Variants in LANCL3 observed in about 807,000 individuals in gnomAD.
The protein encoded by LANCL3 is LanC like family member 3, also known as lanC-like protein 3.
LANCL3 carries 19 observed loss-of-function variants against 26.5 expected under a neutral mutation model. That is an observed-to-expected ratio of 0.72 (90% CI 0.50 to 1.05). The LOEUF is 1.05. Ranked by LOEUF, LANCL3 falls within the 50% of genes least tolerant of loss-of-function variation. LANCL3 has a pLI of 0.00. For synonymous variants in LANCL3, 160 were observed against 166.6 expected (o/e 0.96, Z 0.30); for missense variants, 318 against 362.7 (o/e 0.88, Z 1.00).
intron 3 of LANCL3, 75 bp downstream of exon 3, chrX:37,659,734 G>T: frequency 1.1e-6 from 1 of 893,892 alleles, no homozygotes; most frequent in Non-Finnish European, 1.6e-6. Context: ...TTTCTGAGAA[G>T]TGAGGATAGC....
rs782457795 is a variant in LANCL3 at position 37,598,961 on chromosome X, C to G, written c.573+26518C>G. Among the ~76,000 whole-genome samples, 16 of 112,235 alleles carry G rather than the reference C, an allele frequency of 1.4e-4. No individual in the cohort carries two copies. In the South Asian group the frequency reaches 6.0e-3, roughly 42 times the overall value. On this transcript the variant is annotated intron_variant, in intron 1 of 4. Transcript: ENST00000378619. ...GCCGATGGTGATTTTGACATATATT[C>G]CAATTTCAAAGATGTTAAGATTTTT...
chrX:37,657,311 A>G (rs1388174206), intron 2 of LANCL3, among the ~76,000 whole-genome samples: 3 of 102,036 alleles, frequency 2.9e-5, no homozygotes, highest in African/African-American at 1.1e-4. Context: ...TGAGGTGATG[A>G]GCCAGGGCAC....
chrX:37,582,786 A>G (rs1297423380), intron 1 of LANCL3, among the ~76,000 whole-genome samples: 3 of 111,773 alleles, frequency 2.7e-5, no homozygotes, highest in African/African-American at 9.8e-5. Flanking sequence ...CTCTGATGGT[A>G]GTTTCTTTTG....
In LANCL3 at chrX:37,683,130, G is replaced by C. The variant is rs1272932293; in HGVS notation, c.*7317G>C. On this transcript the variant is annotated 3_prime_UTR_variant, in exon 5 of 5. Transcript: ENST00000378619. ...CGAATAGAATTTACTGCTCCAAAAA[G>C]CTTTTTTGGCATAAATCACAATACT... The C allele has an allele frequency of 1.8e-5, 2 of 111,498 alleles. No homozygotes were observed. Among genetic ancestry groups the C allele is most frequent in the Non-Finnish European group, 3.8e-5 (2 of 53,067 alleles). 9.2% of individuals were successfully genotyped at this position (111,498 alleles called of 1,213,427 possible). A position where few individuals can be genotyped will look rare whatever the true frequency, so the allele number is the denominator to read the frequency against.
intron 1 of LANCL3, among the ~76,000 whole-genome samples, chrX:37,597,600 A>G (rs979255997): frequency 3.7e-5 from 4 of 107,178 alleles, no homozygotes; most frequent in South Asian, 4.3e-4. Context: ...TGCGAGTTTG[A>G]ACTCCTGGGC....
At chrX:37,640,752 T>C (rs782780596) in intron 1 of LANCL3, among the ~76,000 whole-genome samples, 1 of 111,767 alleles carries the variant, frequency 8.9e-6, no homozygotes, top group African/African-American at 3.2e-5. Flanking sequence ...ACAGTGACCA[T>C]TTGAAACTTG....
chrX:37,665,717 G>A (rs1556433794), intron 3 of LANCL3, among the ~76,000 whole-genome samples: 2 of 111,833 alleles, frequency 1.8e-5, no homozygotes, highest in African/African-American at 6.5e-5. Flanking sequence ...AAATGAAAAT[G>A]CAAGTTATTT....
intron 1 of LANCL3, among the ~76,000 whole-genome samples, chrX:37,634,221 G>A (rs1433818490): frequency 1.8e-5 from 2 of 112,655 alleles, no homozygotes; most frequent in African/African-American, 3.2e-5. Context: ...CTCCGTGGAC[G>A]TAGGACCCTT....
chrX:37,605,807 C>T (rs1043858356), intron 1 of LANCL3, among the ~76,000 whole-genome samples: 3 of 111,847 alleles, frequency 2.7e-5, no homozygotes, highest in Non-Finnish European at 3.8e-5. Flanking sequence ...CACACTGCCA[C>T]GCTCTCACCA....
chrX:37,591,999 C>T (rs1924296411), intron 1 of LANCL3, among the ~76,000 whole-genome samples: 1 of 111,171 alleles, frequency 9.0e-6, no homozygotes, highest in Non-Finnish European at 1.9e-5. Flanking sequence ...ATTAAAGAAA[C>T]TCAGCTTTGA....
chrX:37,659,072 A>G (rs782664154), intron 2 of LANCL3, among the ~76,000 whole-genome samples: 4 of 112,850 alleles, frequency 3.5e-5, no homozygotes, highest in African/African-American at 1.3e-4. Context: ...GTTTTAAAAG[A>G]TCTCTTCTCT....
intron 1 of LANCL3, among the ~76,000 whole-genome samples, chrX:37,593,859 C>T (rs1292788555): frequency 1.8e-5 from 2 of 112,227 alleles, no homozygotes; most frequent in Non-Finnish European, 3.8e-5. Flanking sequence ...TGTCAGCAAA[C>T]ATTTCCCCAT....
chrX:37,634,540 C>T (rs954677535), intron 1 of LANCL3, among the ~76,000 whole-genome samples: 7 of 112,606 alleles, frequency 6.2e-5, no homozygotes, highest in Non-Finnish European at 9.4e-5. Context: ...GCGTCGCTCG[C>T]GCTGGGAGCT....
chrX:37,652,733 A>AG (rs782284505), intron 1 of LANCL3, among the ~76,000 whole-genome samples: 109 of 111,334 alleles, frequency 9.8e-4, no homozygotes, highest in African/African-American at 3.4e-3. Flanking sequence ...CCAGGATCTC[A>AG]GAGTGTCTCA....
rs1926899738 is a variant in LANCL3 at position 37,680,098 on chromosome X, A to G, written c.*4285A>G. ...CTTAGCTAAGAGTTCCAGCCTCAGTACAGCTGGATTACCCTTTGGACAGAA... is the reference window on the plus strand; with the variant it reads ...CTTAGCTAAGAGTTCCAGCCTCAGTGCAGCTGGATTACCCTTTGGACAGAA... On this transcript the variant is annotated 3_prime_UTR_variant, in exon 5 of 5. Coordinates refer to ENST00000378619, the MANE Select transcript of LANCL3 (RefSeq NM_001170331.2). 9.0e-6 allele frequency: 1 copy of G among 111,386 alleles called. No individual in the cohort carries two copies. The highest frequency in any genetic ancestry group is 9.5e-5 in the Admixed American group (1 of 10,485). 9.2% of individuals were successfully genotyped at this position (111,386 alleles called of 1,213,427 possible).
intron 1 of LANCL3, among the ~76,000 whole-genome samples, chrX:37,642,405 G>A (rs1336868090): frequency 9.0e-6 from 1 of 111,582 alleles, no homozygotes; most frequent in African/African-American, 3.3e-5. Context: ...GGTGGTCCTG[G>A]TTGTGGTACA....
chrX:37,676,773 C>CA lies in LANCL3; in HGVS notation c.*961dup, dbSNP rs782338907. The CA allele has an allele frequency of 4.5e-5, 5 of 111,664 alleles. No individual in the cohort carries two copies. The highest frequency in any genetic ancestry group is 1.6e-4 in the African/African-American group (5 of 30,773). The allele number at this position is 111,664 out of a possible 1,213,427, so 9.2% of individuals were successfully genotyped here. A position where few individuals can be genotyped will look rare whatever the true frequency, so the allele number is the denominator to read the frequency against. ...GGACAGGCAGACAGGCTGAGGAAGT[C>CA]ACCAGTGATTGTGGAAATAATTTTG... is the stretch of plus-strand genomic sequence containing the variant. On this transcript the variant is annotated 3_prime_UTR_variant, in exon 5 of 5. Coordinates refer to ENST00000378619, the MANE Select transcript of LANCL3 (RefSeq NM_001170331.2).
intron 1 of LANCL3, among the ~76,000 whole-genome samples, chrX:37,587,487 T>G (rs1924133012): frequency 8.9e-6 from 1 of 112,756 alleles, no homozygotes; most frequent in Non-Finnish European, 1.9e-5. Context: ...CCTCAAGCCT[T>G]AGCAATGGCG....
intron 1 of LANCL3, among the ~76,000 whole-genome samples, chrX:37,585,482 G>T (rs781930315): frequency 1.5e-3 from 173 of 112,122 alleles, no homozygotes; most frequent in African/African-American, 5.3e-3. Context: ...GGGTGCTCCT[G>T]TATTGGGTGC....
Sources: gnomAD v4.1 joint callset for allele counts (sites outside exome capture counted in the v4.1 genomes callset) on GRCh38, gnomAD v4.1.1 for gene constraint, MANE v1.5 for transcripts, NCBI Gene and HGNC (gene_info 2026-07-23, HGNC 2026-07-21) for gene names.